NECTIN3: variants seen among roughly 807,000 people sequenced by gnomAD.
The protein encoded by NECTIN3 is nectin cell adhesion molecule 3.
A neutral mutation model predicts 49.4 loss-of-function variants in NECTIN3; 8 were observed. The ratio of observed to expected loss-of-function variants is 0.16; its 90% CI spans 0.10 to 0.29. The LOEUF (loss-of-function observed/expected upper bound fraction) is 0.29, where lower values mean the gene tolerates loss of function less well. NECTIN3 is among the 10% of genes least tolerant of loss of function. The pLI is 1.00. For missense variants in NECTIN3, 581 were observed against 654.6 expected (o/e 0.89, Z 1.23); for synonymous variants, 277 against 241.1 (o/e 1.15, Z -1.38).
chr3:111,147,350 T>C, intron 6 of NECTIN3: 1 of 1,017,732 alleles, frequency 9.8e-7, no homozygotes, highest in Non-Finnish European at 1.3e-6. Flanking sequence ...TTCTTTTGCT[T>C]TTTTTTTTTT....
intron 7 of NECTIN3, among the ~76,000 whole-genome samples, chr3:111,177,507 A>G (rs570649128): frequency 2.0e-5 from 3 of 152,234 alleles, no homozygotes; most frequent in South Asian, 2.1e-4. Flanking sequence ...ATCTTTTAAG[A>G]TGTGTATTTT....
At chr3:111,164,150 G>C (rs977485482) in intron 7 of NECTIN3, among the ~76,000 whole-genome samples, 1 of 152,020 alleles carries the variant, frequency 6.6e-6, no homozygotes, top group Non-Finnish European at 1.5e-5. Flanking sequence ...TTGAAAGTTA[G>C]CAAAATGCCA....
intron 4 of NECTIN3, among the ~76,000 whole-genome samples, chr3:111,125,053 G>GAGT (rs1411421227): frequency 9.5e-5 from 10 of 105,770 alleles, no homozygotes; most frequent in African/African-American, 3.7e-4. Context: ...TTTTGAGACA[G>GAGT]AGTCTCACCC....
chr3:111,189,803 T>G (rs1343897445), upstream of NECTIN3, among the ~76,000 whole-genome samples: 1 of 151,926 alleles, frequency 6.6e-6, no homozygotes, highest in Non-Finnish European at 1.5e-5. Context: ...AGATAGGGGG[T>G]GAATGAGAGT....
downstream of NECTIN3, among the ~76,000 whole-genome samples, chr3:111,137,923 ATAT>A (rs763101217): frequency 9.3e-5 from 14 of 151,206 alleles, no homozygotes; most frequent in Non-Finnish European, 2.1e-4. Context: ...ATTAACTATA[ATAT>A]TTTATTTTTG....
chr3:111,098,182 G>C (rs13072462), intron 1 of NECTIN3, among the ~76,000 whole-genome samples: 107,520 of 152,108 alleles, frequency 0.71, 43,679 homozygotes, highest in Non-Finnish European at 0.93. Context: ...TAGGACCTTT[G>C]AGCAGTGTGC....
upstream of NECTIN3, among the ~76,000 whole-genome samples, chr3:111,188,791 C>G (rs1281096200): frequency 2.6e-5 from 4 of 152,182 alleles, no homozygotes; most frequent in African/African-American, 9.7e-5. Flanking sequence ...AAATACAGTT[C>G]TTAACCCAGG....
At chr3:111,181,975 C>T (rs77052281) in intron 7 of NECTIN3, among the ~76,000 whole-genome samples, 4,050 of 151,874 alleles carry the variant, frequency 0.027, 125 homozygotes, top group African/African-American at 0.078. Context: ...TTTTCTAATA[C>T]AAGCATTTAA....
intron 1 of NECTIN3, among the ~76,000 whole-genome samples, chr3:111,106,997 T>A (rs1487510190): frequency 6.6e-6 from 1 of 152,096 alleles, no homozygotes; most frequent in Non-Finnish European, 1.5e-5. Context: ...TTGTGATGGT[T>A]TCTGTTTCTT....
At chr3:111,193,470 A>G (rs907345941) in intron 1 of NECTIN3, 7 of 1,322,872 alleles carry the variant, frequency 5.3e-6, no homozygotes, top group African/African-American at 4.5e-5. Flanking sequence ...ACTGTCTCTC[A>G]TATAAGAACA....
At position 111,136,242 on chromosome 3, in the gene NECTIN3, T is replaced by G. The variant is rs1488688022; in HGVS notation, c.*2027T>G. 3 of 960,632 alleles carry G rather than the reference T, an allele frequency of 3.1e-6. No homozygotes were observed. In the African/African-American group the frequency reaches 5.3e-5, roughly 17 times the overall value. 59.5% of individuals were successfully genotyped at this position (960,632 alleles called of 1,614,324 possible). On this transcript the variant is annotated 3_prime_UTR_variant, in exon 6 of 6. Coordinates refer to ENST00000485303, the MANE Select transcript of NECTIN3 (RefSeq NM_015480.3). ...TTTAGGATTCTATATAAATCTCAAC[T>G]GGAGTATAATCTGAAGGAAATTAGC...
intron 5 of NECTIN3, among the ~76,000 whole-genome samples, chr3:111,144,235 G>A (rs903208739): frequency 6.6e-6 from 1 of 151,892 alleles, no homozygotes; most frequent in Non-Finnish European, 1.5e-5. Context: ...AGAGAAGTTG[G>A]TATTCAGAAA....
chr3:111,166,156 T>C (rs1182841369), intron 7 of NECTIN3, among the ~76,000 whole-genome samples: 4 of 152,190 alleles, frequency 2.6e-5, no homozygotes, highest in Non-Finnish European at 5.9e-5. Flanking sequence ...CAACACATGC[T>C]TCCACAGTCA....
In NECTIN3 at chr3:111,136,943, C is replaced by T. The variant is rs534538594; in HGVS notation, c.*2728C>T. 6 of 973,674 alleles carry T rather than the reference C, an allele frequency of 6.2e-6. No homozygotes were observed. Among genetic ancestry groups the T allele is most frequent in the African/African-American group, 5.3e-5 (3 of 57,010 alleles). The allele number at this position is 973,674 out of a possible 1,614,324, so 60.3% of individuals were successfully genotyped here. Reference sequence around the variant, plus strand: ...AGTTGAAAGATTTAGTATTTTACCACGTGCCTAGTAGGGTTCTATTTGCTA... The same window carrying T: ...AGTTGAAAGATTTAGTATTTTACCATGTGCCTAGTAGGGTTCTATTTGCTA... On this transcript the variant is annotated 3_prime_UTR_variant, in exon 6 of 6. Coordinates refer to ENST00000485303, the MANE Select transcript of NECTIN3 (RefSeq NM_015480.3).
At chr3:111,172,789 T>C (rs890182771) in intron 7 of NECTIN3, among the ~76,000 whole-genome samples, 2 of 152,206 alleles carry the variant, frequency 1.3e-5, no homozygotes, top group East Asian at 1.9e-4. Context: ...CTATACACTT[T>C]ATAGCACCTA....
At chr3:111,188,568 C>A (rs2035761331), upstream of NECTIN3, among the ~76,000 whole-genome samples, 1 of 152,166 alleles carries the variant, frequency 6.6e-6, no homozygotes, top group African/African-American at 2.4e-5. Flanking sequence ...TTAAAAAAGT[C>A]TTCTACCATG....
chr3:111,142,267 C>T (rs1576158092), downstream of NECTIN3, among the ~76,000 whole-genome samples: 1 of 151,764 alleles, frequency 6.6e-6, no homozygotes, highest in Non-Finnish European at 1.5e-5. Flanking sequence ...AATCATTTGA[C>T]CTACATAAAG....
intron 2 of NECTIN3, among the ~76,000 whole-genome samples, chr3:111,114,463 A>G (rs570310800): frequency 7.2e-4 from 109 of 152,268 alleles, no homozygotes; most frequent in Middle Eastern, 3.4e-3. Context: ...TTTCTCCACT[A>G]TAAACATGTA....
At chr3:111,082,029 A>C (rs969055767) in intron 1 of NECTIN3, among the ~76,000 whole-genome samples, 1 of 152,214 alleles carries the variant, frequency 6.6e-6, no homozygotes, top group Non-Finnish European at 1.5e-5. Context: ...TATTCCATGG[A>C]AAGAGGATTA....
Sources: gnomAD v4.1 joint callset for allele counts (sites outside exome capture counted in the v4.1 genomes callset) on GRCh38, gnomAD v4.1.1 for gene constraint, MANE v1.5 for transcripts, NCBI Gene and HGNC (gene_info 2026-07-23, HGNC 2026-07-21) for gene names.